Variants in LRRC28 observed in about 807,000 individuals in gnomAD.
LRRC28 encodes the protein leucine rich repeat containing 28, also known as leucine-rich repeat-containing protein 28.
LRRC28 carries 39 observed loss-of-function variants against 45.7 expected under a neutral mutation model. The ratio of observed to expected loss-of-function variants is 0.85; its 90% CI spans 0.66 to 1.12. LRRC28 has a LOEUF of 1.12. Ranked by LOEUF, LRRC28 falls within the 50% of genes most tolerant of loss-of-function variation. LRRC28 has a pLI of 0.00. For synonymous variants in LRRC28, 206 were observed against 178.8 expected (o/e 1.15, Z -1.22); for missense variants, 435 against 438.5 (o/e 0.99, Z 0.07).
chr15:99,362,847 T>G (rs1158291588), intron 8 of LRRC28, among the ~76,000 whole-genome samples: 1 of 152,190 alleles, frequency 6.6e-6, no homozygotes, highest in Non-Finnish European at 1.5e-5. Context: ...TCTCACTTAT[T>G]CCTTGCCTCT....
intron 6 of LRRC28, among the ~76,000 whole-genome samples, chr15:99,348,528 CT>C (rs1567684809): frequency 6.6e-6 from 1 of 152,100 alleles, no homozygotes; most frequent in Non-Finnish European, 1.5e-5. Flanking sequence ...ATTCAAGACA[CT>C]TTCTGTTCCC....
intron 9 of LRRC28, among the ~76,000 whole-genome samples, chr15:99,373,469 C>T (rs1957541057): frequency 6.6e-6 from 1 of 152,046 alleles, no homozygotes; most frequent in Admixed American, 6.5e-5. Flanking sequence ...GCATGCAATG[C>T]ATAATAATCA....
At chr15:99,287,681 G>A (rs933253459) in intron 4 of LRRC28, 133 bp from the exon 5 acceptor site, 2 of 923,914 alleles carry the variant, frequency 2.2e-6, no homozygotes, top group African/African-American at 3.4e-5. Flanking sequence ...TTTGATCTGT[G>A]TTTTTACTAT....
chr15:99,302,429 C>G (rs553398303), intron 5 of LRRC28, among the ~76,000 whole-genome samples: 2 of 151,992 alleles, frequency 1.3e-5, no homozygotes, highest in Admixed American at 1.3e-4. Flanking sequence ...ACTCTTGTTG[C>G]CCAGGCTGGA....
At chr15:99,385,853 T>C (rs898163190) in intron 9 of LRRC28, among the ~76,000 whole-genome samples, 177 bp from the exon 10 acceptor site, 4 of 152,170 alleles carry the variant, frequency 2.6e-5, no homozygotes, top group African/African-American at 9.7e-5. Flanking sequence ...CATTCACATG[T>C]ACATACTTCA....
At chr15:99,352,971 GA>G (rs1956932852) in intron 7 of LRRC28, among the ~76,000 whole-genome samples, 1 of 152,188 alleles carries the variant, frequency 6.6e-6, no homozygotes, top group Admixed American at 6.5e-5. Flanking sequence ...CAACATTTGA[GA>G]TAGTCCCTCA....
chr15:99,361,760 G>T (rs1235480261), intron 8 of LRRC28, among the ~76,000 whole-genome samples: 3 of 152,100 alleles, frequency 2.0e-5, no homozygotes, highest in Admixed American at 2.0e-4. Flanking sequence ...GATCACTTTA[G>T]CACCCCCTAC....
At chr15:99,288,394 T>C (rs971920903) in intron 5 of LRRC28, among the ~76,000 whole-genome samples, 1 of 132,384 alleles carries the variant, frequency 7.6e-6, no homozygotes, top group Non-Finnish European at 1.6e-5. Flanking sequence ...TTTTTTTTTT[T>C]TTTTTTGAGA....
At chr15:99,290,961 C>T (rs1174748303) in intron 5 of LRRC28, among the ~76,000 whole-genome samples, 1 of 152,186 alleles carries the variant, frequency 6.6e-6, no homozygotes, top group Non-Finnish European at 1.5e-5. Context: ...GAGTGAGACT[C>T]TGTCCCCAAA....
intron 9 of LRRC28, among the ~76,000 whole-genome samples, chr15:99,373,575 CTG>C (rs1957544199): frequency 6.6e-6 from 1 of 152,188 alleles, no homozygotes; most frequent in Admixed American, 6.5e-5. Context: ...CAATTACTGA[CTG>C]TAGTCACCCT....
intron 1 of LRRC28, among the ~76,000 whole-genome samples, chr15:99,255,680 A>G (rs2080995980): frequency 6.6e-6 from 1 of 152,174 alleles, no homozygotes; most frequent in Non-Finnish European, 1.5e-5. Flanking sequence ...CTAATAAGTA[A>G]TAAATATTGC....
chr15:99,266,649 A>G (rs2081340985), intron 2 of LRRC28, among the ~76,000 whole-genome samples: 1 of 152,236 alleles, frequency 6.6e-6, no homozygotes, highest in Admixed American at 6.5e-5. Context: ...ACTTGCAAGA[A>G]TCTACCCAAT....
intron 3 of LRRC28, among the ~76,000 whole-genome samples, chr15:99,278,214 C>T (rs529211639): frequency 6.6e-6 from 1 of 152,214 alleles, no homozygotes; most frequent in African/African-American, 2.4e-5. Flanking sequence ...TGAAAGTGTC[C>T]TGGAGAGAGT....
chr15:99,261,955 C>T (rs1042203950), intron 2 of LRRC28, among the ~76,000 whole-genome samples: 2 of 152,144 alleles, frequency 1.3e-5, no homozygotes, highest in Non-Finnish European at 1.5e-5. Flanking sequence ...CTGTGCCCGG[C>T]TGGTCTCACC....
intron 2 of LRRC28, chr15:99,259,878 C>A: frequency 1.3e-6 from 1 of 767,604 alleles, no homozygotes; most frequent in South Asian, 1.4e-5. Flanking sequence ...CATCCTGATG[C>A]AAAGGTGGAA....
chr15:99,263,014 G>A (rs750278211), intron 2 of LRRC28, among the ~76,000 whole-genome samples: 6 of 151,852 alleles, frequency 4.0e-5, no homozygotes, highest in Non-Finnish European at 7.4e-5. Flanking sequence ...AGGTGAAAAA[G>A]AAGTAGTTGT....
At chr15:99,375,583 G>A (rs73464688) in intron 9 of LRRC28, among the ~76,000 whole-genome samples, 3,022 of 152,210 alleles carry the variant, frequency 0.02, 92 homozygotes, top group African/African-American at 0.069. Flanking sequence ...GAATTCTCCA[G>A]TGAAACTATC....
rs543161722 is a variant in LRRC28 at position 99,322,068 on chromosome 15, A to C, written c.386-11855A>C. 2.6e-4 allele frequency among the ~76,000 whole-genome samples: 39 copies of C among 152,284 alleles called. 1 individual carries two copies. In the South Asian group the frequency reaches 8.1e-3, roughly 32 times the overall value. On this transcript the variant is annotated intron_variant, in intron 5 of 9. Coordinates refer to ENST00000301981, the MANE Select transcript of LRRC28 (RefSeq NM_144598.5). Reference sequence around the variant, plus strand: ...GAAGGAGCATTCCTGACCGAGGAATAGCAGATTCAAAGCCTCCAAGGGAAG... The same window carrying C: ...GAAGGAGCATTCCTGACCGAGGAATCGCAGATTCAAAGCCTCCAAGGGAAG...
intron 5 of LRRC28, among the ~76,000 whole-genome samples, chr15:99,303,255 T>C (rs1955048554): frequency 6.6e-6 from 1 of 152,200 alleles, no homozygotes; most frequent in African/African-American, 2.4e-5. Flanking sequence ...AAGCACCTTT[T>C]CATGTGTCTA....
Sources: allele counts gnomAD v4.1 joint callset (sites outside exome capture counted in the v4.1 genomes callset), GRCh38; gene constraint gnomAD v4.1.1; transcripts MANE v1.5; gene names NCBI Gene and HGNC (gene_info 2026-07-23, HGNC 2026-07-21).